The following CHD7 variants were observed in gnomAD, a reference collection of about 807,000 sequenced individuals.
The protein encoded by CHD7 is ATP-dependent chromatin remodeler CHD7.
CHD7 carries 24 observed loss-of-function variants against 307.3 expected under a neutral mutation model. The ratio of observed to expected loss-of-function variants is 0.08; its 90% confidence interval spans 0.06 to 0.11. The LOEUF is 0.11. Ranked by LOEUF, CHD7 falls within the 10% of genes least tolerant of loss-of-function variation. The probability of loss-of-function intolerance (pLI) is 1.00; values close to 1 mark genes in which losing one functional copy is unlikely to be tolerated. For synonymous variants in CHD7, 1,363 were observed against 1,349.9 expected (o/e 1.01, Z -0.21); for missense variants, 3,106 against 3,727.1 (o/e 0.83, Z 4.34).
chr8:60,794,693 CT>C (rs1043040528), intron 3 of CHD7, among the ~76,000 whole-genome samples: 64 of 152,278 alleles, frequency 4.2e-4, no homozygotes, highest in African/African-American at 1.5e-3. Flanking sequence ...ACTTCTTAAT[CT>C]GATTTTTTAT....
At chr8:60,774,251 T>C (rs980818510) in intron 2 of CHD7, among the ~76,000 whole-genome samples, 2 of 152,186 alleles carry the variant, frequency 1.3e-5, no homozygotes, top group East Asian at 3.9e-4. Flanking sequence ...TGTGTAACTT[T>C]GGGTAAATTA....
At chr8:60,746,655 T>C (rs1426031364) in intron 2 of CHD7, among the ~76,000 whole-genome samples, 1 of 152,248 alleles carries the variant, frequency 6.6e-6, no homozygotes, top group Admixed American at 6.5e-5. Context: ...ATGTTCTTTA[T>C]GTGTTTCCTG....
chr8:60,862,147 G>A (rs754633186), intron 35 of CHD7, 49 bp from the exon 36 acceptor site: 1 of 1,476,228 alleles, frequency 6.8e-7, no homozygotes, highest in African/African-American at 1.4e-5. Flanking sequence ...ATATAGAGAA[G>A]AATAAGTACT....
chr8:60,710,776 G>T (rs1807248101), intron 1 of CHD7, among the ~76,000 whole-genome samples: 1 of 152,194 alleles, frequency 6.6e-6, no homozygotes, highest in African/African-American at 2.4e-5. Flanking sequence ...AGCTCCAGCT[G>T]CAATGGCGAT....
At chr8:60,715,815 A>C (rs1322913842) in intron 1 of CHD7, among the ~76,000 whole-genome samples, 1 of 152,190 alleles carries the variant, frequency 6.6e-6, no homozygotes, top group Non-Finnish European at 1.5e-5. Context: ...ATGGAAAAAA[A>C]CCCTAAACTT....
At chr8:60,765,380 G>A (rs1029949440) in intron 2 of CHD7, among the ~76,000 whole-genome samples, 40 of 152,118 alleles carry the variant, frequency 2.6e-4, no homozygotes, top group Admixed American at 1.3e-4. Context: ...AGTATAACAT[G>A]CTGCTGTCCT....
chr8:60,810,920 C>T (rs1281704705), intron 7 of CHD7, among the ~76,000 whole-genome samples: 1 of 152,226 alleles, frequency 6.6e-6, no homozygotes, highest in East Asian at 1.9e-4. Context: ...CACCTGAGCT[C>T]TGCCTCTTGT....
At chr8:60,681,223 A>G (rs1329966083) in intron 1 of CHD7, among the ~76,000 whole-genome samples, 1 of 152,234 alleles carries the variant, frequency 6.6e-6, no homozygotes, top group Non-Finnish European at 1.5e-5. Context: ...AGATTGCAGT[A>G]ATGTCTAAGT....
chr8:60,700,225 G>C (rs1423632656), intron 1 of CHD7, among the ~76,000 whole-genome samples: 1 of 152,198 alleles, frequency 6.6e-6, no homozygotes, highest in Non-Finnish European at 1.5e-5. Context: ...TACTAAATTA[G>C]TACTTGGTGA....
chr8:60,678,791 A>AGCGGCGGCG lies in CHD7; in HGVS notation c.-453_-445dup, dbSNP rs71245513. On this transcript the variant is annotated 5_prime_UTR_variant, in exon 1 of 38. Coordinates refer to ENST00000423902, the MANE Select transcript of CHD7 (RefSeq NM_017780.4). ...CGGCGGCGGCGGCGGCGGCGGCGGC[A>AGCGGCGGCG]GCGGCGGCGGCGGCGGCGGCGCGGG... The AGCGGCGGCG allele has an allele frequency of 3.4e-4, 17 of 50,292 alleles. No individual in the cohort carries two copies. The highest frequency in any genetic ancestry group is 5.7e-4 in the Admixed American group (3 of 5,258). 3.1% of individuals were successfully genotyped at this position (50,292 alleles called of 1,614,324 possible).
At chr8:60,764,311 A>G (rs1336487975) in intron 2 of CHD7, among the ~76,000 whole-genome samples, 1 of 152,204 alleles carries the variant, frequency 6.6e-6, no homozygotes, top group Non-Finnish European at 1.5e-5. Flanking sequence ...TTCACAGTTC[A>G]TGAGCCATTC....
At chr8:60,781,690 TATC>T (rs1168497060) in intron 3 of CHD7, among the ~76,000 whole-genome samples, 4 of 152,218 alleles carry the variant, frequency 2.6e-5, no homozygotes, top group Non-Finnish European at 4.4e-5. Flanking sequence ...TATGAAAACT[TATC>T]ATTTAGCAAA....
chr8:60,840,645 T>G (rs978687554), intron 19 of CHD7, among the ~76,000 whole-genome samples: 4 of 149,668 alleles, frequency 2.7e-5, no homozygotes, highest in Admixed American at 6.7e-5. Context: ...TTTGACAGAG[T>G]CTTGCTCTGT....
In CHD7 at chr8:60,861,251, C is replaced by T. The variant is rs1268517811; in HGVS notation, c.7830+126C>T. ...TCCTTGAATGTTTCCTGGTCTCAAA[C>T]ATTTCCCAGGTCTTTGTTGTTGAAT... On this transcript the variant is annotated intron_variant, in intron 35 of 37. Transcript: ENST00000423902. 4 of 702,334 alleles carry T rather than the reference C, an allele frequency of 5.7e-6. No homozygotes were observed. In the Admixed American group the frequency reaches 1.1e-4, roughly 20 times the overall value. 43.5% of individuals were successfully genotyped at this position (702,334 alleles called of 1,614,324 possible).
intron 3 of CHD7, among the ~76,000 whole-genome samples, chr8:60,789,855 A>G (rs539431074): frequency 1.2e-4 from 18 of 152,218 alleles, no homozygotes; most frequent in Non-Finnish European, 2.5e-4. Context: ...TGCCTAGACT[A>G]TCTCTCCATG....
chr8:60,837,006 C>T lies in CHD7; in HGVS notation c.4179C>T (p.Asp1393=), dbSNP rs752104866. 1.2e-6 allele frequency: 2 copies of T among 1,606,260 alleles called. No homozygotes were observed. Among genetic ancestry groups the T allele is most frequent in the Admixed American group, 1.7e-5 (1 of 59,580 alleles). ...IFDSDWNPQN[D]LQAQARCHRI... is the part of the protein sequence containing the mutation. ...ATTCAGACTGGAATCCCCAAAATGA[C>T]CTCCAGGTAAATGCACAAGAAAGTC... The change falls in exon 17 of 38, where the codon GAC becomes GAT. Residue 1393 remains aspartate (D), a synonymous_variant. Transcript: ENST00000423902.
intron 8 of CHD7, 73 bp downstream of exon 8, chr8:60,816,574 A>G: frequency 2.2e-6 from 2 of 891,948 alleles, no homozygotes; most frequent in Non-Finnish European, 3.5e-6. Context: ...TTTTAGTTCC[A>G]TGAATTAAGA....
chr8:60,823,665 T>A (rs540426144), intron 12 of CHD7, among the ~76,000 whole-genome samples, 175 bp from the exon 13 acceptor site: 6 of 152,202 alleles, frequency 3.9e-5, no homozygotes, highest in Non-Finnish European at 8.8e-5. Flanking sequence ...GTTTTCCAAT[T>A]CTGTTTTACC....
rs1225459063 is a variant in CHD7, at chr8:60,822,114, G to A, written c.2926G>A (p.Val976Ile). The change falls in exon 11 of 38, where the codon GTA (valine) becomes ATA (isoleucine). Residue 976 changes from valine (V) to isoleucine (I), a missense_variant. This residue lies in a region of CHD7 where 188 missense variants were observed against 261.7 expected (regional missense o/e 0.72). Coordinates refer to ENST00000423902, the MANE Select transcript of CHD7 (RefSeq NM_017780.4). ...NKLREYQLEGVNWLLFNWYNM... is the reference protein window; with the variant it reads ...NKLREYQLEGINWLLFNWYNM... ...ACTCAGGGAATACCAGTTGGAGGGA[G>A]TAAACTGGCTACTTTTCAATTGGTA... 2 of 1,613,456 alleles carry A rather than the reference G, an allele frequency of 1.2e-6. No homozygotes were observed. Among genetic ancestry groups the A allele is most frequent in the Non-Finnish European group, 1.7e-6 (2 of 1,179,588 alleles).
Sources: allele counts gnomAD v4.1 joint callset (sites outside exome capture counted in the v4.1 genomes callset), GRCh38; gene constraint gnomAD v4.1.1; regional missense constraint gnomAD v4.1.1; transcripts MANE v1.5; gene names NCBI Gene and HGNC (gene_info 2026-07-23, HGNC 2026-07-21).